LGSN: variants seen among roughly 807,000 people sequenced by gnomAD.
LGSN encodes lengsin, lens protein with glutamine synthetase domain.
Under a neutral mutation model 19.5 loss-of-function variants are expected in LGSN, and 21 were observed. The observed-to-expected ratio is 1.07, with a 90% CI of 0.76 to 1.55. The LOEUF (loss-of-function observed/expected upper bound fraction) is 1.55, where lower values mean the gene tolerates loss of function less well. Among genes scored for constraint, LGSN ranks in the 40% most tolerant of loss-of-function variants. The pLI, the probability that LGSN is intolerant of heterozygous loss-of-function variation, is 0.00. For missense variants in LGSN, 673 were observed against 608.5 expected (o/e 1.11, Z -1.12); for synonymous variants, 257 against 215.6 (o/e 1.19, Z -1.68).
At chr6:63,415,327 T>C in the LGSN span, among the ~76,000 whole-genome samples, 1,261 of 151,946 alleles carry the variant, frequency 8.3e-3, 14 homozygotes, top group South Asian at 0.025. Flanking sequence ...TTTCAAAAAA[T>C]AAAAAATAAA....
chr6:63,295,966 T>C (rs1282451811), intron 1 of LGSN, among the ~76,000 whole-genome samples: 4 of 152,168 alleles, frequency 2.6e-5, no homozygotes, highest in Middle Eastern at 6.3e-3. Flanking sequence ...CTGTAAACAC[T>C]TTGAGCTTAG....
the LGSN span, among the ~76,000 whole-genome samples, chr6:63,432,179 G>GA: frequency 0.02 from 2,256 of 112,330 alleles, 139 homozygotes; most frequent in East Asian, 0.041. Flanking sequence ...GAAAAGGAAA[G>GA]AAAGAAAAGA....
At chr6:63,401,988 ATGAAGACATGAGCAGCAACTAGAAC>A in the LGSN span, among the ~76,000 whole-genome samples, 1 of 152,266 alleles carries the variant, frequency 6.6e-6, no homozygotes, top group East Asian at 1.9e-4. Context: ...ACTGCTAAGC[ATGAAGACATGAGCAGCAACTAGAAC>A]TCTAGCTGCT....
chr6:63,447,543 G>C, the LGSN span, among the ~76,000 whole-genome samples: 1 of 152,146 alleles, frequency 6.6e-6, no homozygotes, highest in Admixed American at 6.6e-5. Flanking sequence ...AAGATGAAAA[G>C]TTATGTCTAG....
At chr6:63,447,378 TA>T in the LGSN span, among the ~76,000 whole-genome samples, 1 of 152,224 alleles carries the variant, frequency 6.6e-6, no homozygotes, top group Admixed American at 6.5e-5. Context: ...GACTGCCAAA[TA>T]AGCAGTGTTG....
chr6:63,446,926 G>T, the LGSN span, among the ~76,000 whole-genome samples: 1 of 152,158 alleles, frequency 6.6e-6, no homozygotes, highest in Non-Finnish European at 1.5e-5. Context: ...GCGGGAGCCT[G>T]TAATCCCAGC....
At chr6:63,319,211 T>C (rs1428273304) in intron 1 of LGSN, among the ~76,000 whole-genome samples, 1 of 152,220 alleles carries the variant, frequency 6.6e-6, no homozygotes, top group African/African-American at 2.4e-5. Context: ...CACTATTTCA[T>C]ACATAATGCA....
At chr6:63,499,461 G>T in the LGSN span, among the ~76,000 whole-genome samples, 1 of 152,072 alleles carries the variant, frequency 6.6e-6, no homozygotes, top group African/African-American at 2.4e-5. Flanking sequence ...CTGAAAAGTT[G>T]TCCGGTTGCT....
chr6:63,358,267 G>GTT, the LGSN span, among the ~76,000 whole-genome samples: 1 of 152,224 alleles, frequency 6.6e-6, no homozygotes, highest in African/African-American at 2.4e-5. Context: ...CAGGTAGCAT[G>GTT]ATGCCTCCAG....
chr6:63,521,581 A>C, the LGSN span, among the ~76,000 whole-genome samples: 1 of 152,232 alleles, frequency 6.6e-6, no homozygotes, highest in Admixed American at 6.5e-5. Flanking sequence ...AAAATTATGC[A>C]TTTCCTAAAG....
the LGSN span, among the ~76,000 whole-genome samples, chr6:63,444,284 T>C: frequency 3.3e-5 from 5 of 152,142 alleles, no homozygotes; most frequent in African/African-American, 1.2e-4. Context: ...ATAACAAAAC[T>C]GGCAAGGGAT....
chr6:63,507,780 G>A, the LGSN span, among the ~76,000 whole-genome samples: 1 of 152,100 alleles, frequency 6.6e-6, no homozygotes, highest in Non-Finnish European at 1.5e-5. Flanking sequence ...AAAGAACCCT[G>A]CTTCATAAAA....
chr6:63,557,975 C>T, the LGSN span, among the ~76,000 whole-genome samples: 7 of 151,912 alleles, frequency 4.6e-5, no homozygotes, highest in African/African-American at 1.7e-4. Flanking sequence ...CTGCAACCTC[C>T]GCCTCCTGGG....
In LGSN at chr6:63,278,569, C is replaced by G. The variant is rs1437611081; in HGVS notation, c.*1452G>C. 6.6e-6 allele frequency: 1 copy of G among 152,240 alleles called. No individual in the cohort carries two copies. The highest frequency in any genetic ancestry group is 2.4e-5 in the African/African-American group (1 of 41,404). The allele number at this position is 152,240 out of a possible 1,614,324, so 9.4% of individuals were successfully genotyped here. A position where few individuals can be genotyped will look rare whatever the true frequency, so the allele number is the denominator to read the frequency against. ...GGCTCAAGCGATCCTCCCTTCTCAG[C>G]CTCCCACGTAGCTGGGACTACAGGC... On this transcript the variant is annotated 3_prime_UTR_variant, in exon 4 of 4. Coordinates refer to ENST00000370657, the MANE Select transcript of LGSN (RefSeq NM_016571.3).
At chr6:63,457,644 G>A in the LGSN span, among the ~76,000 whole-genome samples, 1 of 152,190 alleles carries the variant, frequency 6.6e-6, no homozygotes, top group Non-Finnish European at 1.5e-5. Flanking sequence ...TTGGGAGGCC[G>A]AGGCAGGCAG....
chr6:63,488,171 C>A, the LGSN span, among the ~76,000 whole-genome samples: 1 of 152,102 alleles, frequency 6.6e-6, no homozygotes, highest in Non-Finnish European at 1.5e-5. Context: ...AGACTAATTT[C>A]TCCTTAGGGA....
chr6:63,560,094 A>G, the LGSN span, among the ~76,000 whole-genome samples: 1 of 152,182 alleles, frequency 6.6e-6, no homozygotes, highest in African/African-American at 2.4e-5. Flanking sequence ...CATCATTTAC[A>G]ATAGTGCCTC....
chr6:63,429,006 C>T, the LGSN span, among the ~76,000 whole-genome samples: 1 of 152,050 alleles, frequency 6.6e-6, no homozygotes, highest in African/African-American at 2.4e-5. Flanking sequence ...ATAGCAAGAC[C>T]CCATCTCTTA....
At chr6:63,470,100 G>A in the LGSN span, among the ~76,000 whole-genome samples, 3 of 151,846 alleles carry the variant, frequency 2.0e-5, no homozygotes, top group Non-Finnish European at 2.9e-5. Flanking sequence ...GAGAGACAGA[G>A]GGAGGGAGAG....
Sources: gnomAD v4.1 joint callset for allele counts (sites outside exome capture counted in the v4.1 genomes callset) on GRCh38, gnomAD v4.1.1 for gene constraint, MANE v1.5 for transcripts, NCBI Gene and HGNC (gene_info 2026-07-23, HGNC 2026-07-21) for gene names.